Variants in AFF3 observed in about 807,000 individuals in gnomAD.
AFF3 encodes the protein ALF transcription elongation factor 3.
AFF3 carries 32 observed loss-of-function variants against 129.7 expected under a neutral mutation model. The ratio of observed to expected loss-of-function variants is 0.25; its 90% CI spans 0.19 to 0.33. The LOEUF (loss-of-function observed/expected upper bound fraction) is 0.33. Ranked by LOEUF, AFF3 falls within the 10% of genes least tolerant of loss-of-function variation. The pLI, the probability that AFF3 is intolerant of heterozygous loss-of-function variation, is 1.00. For missense variants in AFF3, 1,373 were observed against 1,592.0 expected, an observed-to-expected ratio of 0.86 and a Z score of 2.34; for synonymous variants, 644 against 635.4, an observed-to-expected ratio of 1.01 and a Z score of -0.20.
intron 2 of AFF3, chr2:100,107,174 A>C (rs1480951172): frequency 1.0e-6 from 1 of 985,362 alleles, no homozygotes; most frequent in South Asian, 4.7e-5. Context: ...TTTTGAGGAA[A>C]CCCAAATAGT....
At chr2:100,027,719 T>C (rs1284113933) in intron 4 of AFF3, among the ~76,000 whole-genome samples, 1 of 152,214 alleles carries the variant, frequency 6.6e-6, no homozygotes, top group Non-Finnish European at 1.5e-5. Context: ...CAAGTAAGTA[T>C]GTAATAAAAT....
rs185181773 is a variant in AFF3 at position 99,551,081 on chromosome 2, T to A, written c.*393A>T. 387 of 420,710 alleles carry A rather than the reference T, an allele frequency of 9.2e-4. 3 individuals are homozygous for A. The highest frequency in any genetic ancestry group is 7.2e-3 in the African/African-American group (360 of 50,038). 26.1% of individuals were successfully genotyped at this position (420,710 alleles called of 1,614,324 possible). A position where few individuals can be genotyped will look rare whatever the true frequency, so the allele number is the denominator to read the frequency against. On this transcript the variant is annotated 3_prime_UTR_variant, in exon 25 of 25. Transcript: ENST00000672756. ...ACTAACCCATGAGATTTTGGTTGAA[T>A]TTTCTAAGAAGTCACGGTTTAGCAC...
chr2:100,008,750 AC>A, intron 5 of AFF3, 61 bp downstream of exon 5: 1 of 1,571,756 alleles, frequency 6.4e-7, no homozygotes, highest in Non-Finnish European at 8.6e-7. Flanking sequence ...AGTCAAGGCC[AC>A]CGTCACAGGG....
chr2:99,790,330 A>T (rs1007606222), intron 8 of AFF3, among the ~76,000 whole-genome samples: 2 of 152,226 alleles, frequency 1.3e-5, no homozygotes, highest in Admixed American at 1.3e-4. Flanking sequence ...AAAATTTATT[A>T]ATAAAACTAC....
At chr2:99,899,646 C>A (rs552470151) in intron 7 of AFF3, among the ~76,000 whole-genome samples, 2 of 152,338 alleles carry the variant, frequency 1.3e-5, no homozygotes, top group African/African-American at 4.8e-5. Flanking sequence ...GAACGCCACA[C>A]AATTGGCTTC....
At position 99,549,808 on chromosome 2, in the gene AFF3, G is replaced by A. The variant is rs1251768104; in HGVS notation, c.*1666C>T. On this transcript the variant is annotated 3_prime_UTR_variant, in exon 25 of 25. Transcript: ENST00000672756. The stretch of plus-strand genomic sequence containing the variant: ...ATGATGATCTTACTTCCCACCTACA[G>A]ATCAGGCTAACAAAAATGTTAACAC... The A allele has an allele frequency of 2.7e-5, 6 of 220,954 alleles. No individual in the cohort carries two copies. The highest frequency in any genetic ancestry group is 1.3e-4 in the African/African-American group (6 of 44,614). 13.7% of individuals were successfully genotyped at this position (220,954 alleles called of 1,614,324 possible).
chr2:99,764,007 T>C (rs1324908421), intron 8 of AFF3, among the ~76,000 whole-genome samples: 1 of 152,130 alleles, frequency 6.6e-6, no homozygotes, highest in African/African-American at 2.4e-5. Flanking sequence ...AAGGATAAAA[T>C]GGGGGTAACA....
At chr2:99,676,584 C>A (rs920621920) in intron 11 of AFF3, among the ~76,000 whole-genome samples, 2 of 152,222 alleles carry the variant, frequency 1.3e-5, no homozygotes, top group African/African-American at 4.8e-5. Context: ...TATCAATGCT[C>A]ATTTTTACCA....
intron 11 of AFF3, among the ~76,000 whole-genome samples, chr2:99,683,797 G>A (rs1674766944): frequency 6.6e-6 from 1 of 152,190 alleles, no homozygotes; most frequent in African/African-American, 2.4e-5. Context: ...AGGTGCCAGA[G>A]ATATAAAACT....
chr2:99,941,259 A>G (rs114705117), intron 7 of AFF3, among the ~76,000 whole-genome samples: 191 of 152,298 alleles, frequency 1.3e-3, no homozygotes, highest in African/African-American at 4.2e-3. Flanking sequence ...CGATCTCAGC[A>G]CCACTCTGAC....
rs542769331 is a variant in AFF3 at position 99,596,854 on chromosome 2, T to C, written c.1372-2565A>G. ...GCACTTCACAGCTGAGGAAATCAGTTTGAAGTACCCACTTTCAACACATCA... is the reference window on the plus strand; with the variant it reads ...GCACTTCACAGCTGAGGAAATCAGTCTGAAGTACCCACTTTCAACACATCA... On this transcript the variant is annotated intron_variant, in intron 14 of 24. Transcript: ENST00000672756. 3.3e-5 allele frequency among the ~76,000 whole-genome samples: 5 copies of C among 152,308 alleles called. No homozygotes were observed. The South Asian group carries it at 8.3e-4, about 25-fold the overall frequency.
chr2:99,561,801 T>G (rs550096285), intron 20 of AFF3, among the ~76,000 whole-genome samples: 28 of 142,990 alleles, frequency 2.0e-4, no homozygotes, highest in Admixed American at 7.6e-4. Context: ...TTCCTTCTTT[T>G]GTCATTTTAT....
intron 18 of AFF3, 143 bp downstream of exon 18, chr2:99,578,184 G>C (rs374718426): frequency 4.1e-6 from 5 of 1,210,686 alleles, no homozygotes; most frequent in Non-Finnish European, 4.5e-6. Context: ...ATTCAAGAGG[G>C]ACATTTAAAT....
At chr2:100,140,568 T>C (rs1692822047) in intron 1 of AFF3, among the ~76,000 whole-genome samples, 1 of 152,204 alleles carries the variant, frequency 6.6e-6, no homozygotes, top group Non-Finnish European at 1.5e-5. Context: ...ATAAGCATAA[T>C]TGCAATGGCT....
intron 11 of AFF3, among the ~76,000 whole-genome samples, chr2:99,725,477 C>G (rs1002578316): frequency 2.6e-5 from 4 of 152,066 alleles, no homozygotes; most frequent in Non-Finnish European, 5.9e-5. Flanking sequence ...TTACAGGTGT[C>G]TGCCACCACA....
At chr2:99,614,802 C>T (rs151225229) in intron 13 of AFF3, among the ~76,000 whole-genome samples, 1 of 152,280 alleles carries the variant, frequency 6.6e-6, no homozygotes, top group East Asian at 1.9e-4. Flanking sequence ...GGGTGAAGAA[C>T]CTTCTCTTGT....
At chr2:99,988,347 G>A (rs188201917) in intron 7 of AFF3, among the ~76,000 whole-genome samples, 1 of 152,314 alleles carries the variant, frequency 6.6e-6, no homozygotes, top group East Asian at 1.9e-4. Context: ...AAAGCATGGA[G>A]GCCTGCAAAG....
At chr2:99,639,613 A>C (rs1455806921) in intron 13 of AFF3, among the ~76,000 whole-genome samples, 1 of 152,184 alleles carries the variant, frequency 6.6e-6, no homozygotes, top group Admixed American at 6.5e-5. Flanking sequence ...AAATGAGACC[A>C]ATTCTTTGGA....
chr2:100,064,667 T>C (rs1687576836), intron 4 of AFF3, among the ~76,000 whole-genome samples: 2 of 152,174 alleles, frequency 1.3e-5, no homozygotes, highest in Non-Finnish European at 2.9e-5. Flanking sequence ...ACCATTTGCT[T>C]TCCCAGGGTC....
Sources: allele counts gnomAD v4.1 joint callset (sites outside exome capture counted in the v4.1 genomes callset), GRCh38; gene constraint gnomAD v4.1.1; transcripts MANE v1.5; gene names NCBI Gene and HGNC (gene_info 2026-07-23, HGNC 2026-07-21).